Variants in TBX15 observed in about 807,000 individuals in gnomAD.
TBX15 encodes the protein T-box transcription factor TBX15.
A neutral mutation model predicts 53.9 loss-of-function variants in TBX15; 18 were observed. That is an observed-to-expected ratio of 0.33 (90% CI 0.23 to 0.49). The LOEUF is 0.49. Ranked by LOEUF, TBX15 falls within the 20% of genes least tolerant of loss-of-function variation. TBX15 has a pLI of 0.98. For missense variants in TBX15, 692 were observed against 749.5 expected, an observed-to-expected ratio of 0.92 and a Z score of 0.90; for synonymous variants, 295 against 278.0, an observed-to-expected ratio of 1.06 and a Z score of -0.61.
chr1:118,884,763 G>A lies in TBX15; in HGVS notation c.1778C>T (p.Ser593Phe), dbSNP rs940938093. The change falls in exon 8 of 8, where the codon TCC (serine) becomes TTC (phenylalanine). Residue 593 changes from serine to phenylalanine, a missense_variant. Transcript: ENST00000369429. ...DGRQYGAVPG[S>F]SSQMSVHMV ...CATGTGCACGGACATCTGGGAGGAG[G>A]AGCCTGGAACTGCCCCATACTGCCG... The A allele has an allele frequency of 3.5e-5, 57 of 1,613,988 alleles. No homozygotes were observed. Among genetic ancestry groups the A allele is most frequent in the Non-Finnish European group, 4.7e-5 (55 of 1,180,026 alleles).
chr1:118,985,586 G>T (rs1462997077), intron 1 of TBX15, among the ~76,000 whole-genome samples: 1 of 152,218 alleles, frequency 6.6e-6, no homozygotes, highest in African/African-American at 2.4e-5. Context: ...AAAAGGCTAG[G>T]CCCGGCCTGT....
chr1:118,963,131 T>C (rs1360349648), intron 1 of TBX15, among the ~76,000 whole-genome samples: 2 of 152,194 alleles, frequency 1.3e-5, no homozygotes, highest in Non-Finnish European at 2.9e-5. Context: ...GTAGAGAATA[T>C]ACATCTAAGT....
Position 118,988,122 on chromosome 1 carries a change from T to A in TBX15, c.-327A>T. 1 of 385,012 alleles carries A rather than the reference T, an allele frequency of 2.6e-6. No homozygotes were observed. The highest frequency in any genetic ancestry group is 4.6e-6 in the Non-Finnish European group (1 of 215,496). The allele number at this position is 385,012 out of a possible 1,614,324, so 23.8% of individuals were successfully genotyped here. ...ACTGTGTCCACTGAACTTCATCTTG[T>A]TTTTGTTATTATTATTATTCTCTCT... On this transcript the variant is annotated 5_prime_UTR_variant, in exon 1 of 8. Transcript: ENST00000369429.
Position 118,924,814 on chromosome 1 carries a change from A to C in TBX15, c.525T>G (p.Tyr175Ter). ...CCATCCACTTGGAGCTATGATACAC[A>C]TATCTGAGATAAAGAGGAAGAGAGG... ...IVPVDNKRYRYVYHSSKWMVA... is the reference protein window; with the variant it reads ...IVPVDNKRYR Residue 175 changes from tyrosine to a stop codon, truncating the protein, a stop_gained, in exon 4 of 8, where the codon TAT becomes TAG. Coordinates refer to ENST00000369429, the MANE Select transcript of TBX15 (RefSeq NM_001330677.2). LOFTEE classifies it high-confidence loss of function. 6.2e-7 allele frequency: 1 copy of C among 1,614,014 alleles called. No homozygotes were observed. The highest frequency in any genetic ancestry group is 8.5e-7 in the Non-Finnish European group (1 of 1,179,952).
At chr1:118,890,548 C>T (rs1654103333) in intron 7 of TBX15, among the ~76,000 whole-genome samples, 2 of 152,108 alleles carry the variant, frequency 1.3e-5, no homozygotes, top group Non-Finnish European at 2.9e-5. Context: ...CATTAAATTG[C>T]TCCAATATCC....
chr1:118,981,723 T>A (rs1657660529), intron 1 of TBX15, among the ~76,000 whole-genome samples: 2 of 152,166 alleles, frequency 1.3e-5, no homozygotes, highest in Admixed American at 1.3e-4. Context: ...CTAAATCATA[T>A]TTTCCACCTC....
At chr1:118,904,679 GT>G (rs1335193345) in intron 6 of TBX15, among the ~76,000 whole-genome samples, 1 of 152,102 alleles carries the variant, frequency 6.6e-6, no homozygotes, top group Non-Finnish European at 1.5e-5. Context: ...TCCATAAAGA[GT>G]TTTCATTGAC....
rs1373684900 is a variant in TBX15, at chr1:118,884,604, A to T, written c.*128T>A. 1 of 1,081,972 alleles carries T rather than the reference A, an allele frequency of 9.2e-7. No individual in the cohort carries two copies. 67.0% of individuals were successfully genotyped at this position (1,081,972 alleles called of 1,614,324 possible). A position where few individuals can be genotyped will look rare whatever the true frequency, so the allele number is the denominator to read the frequency against. On this transcript the variant is annotated 3_prime_UTR_variant, in exon 8 of 8. Transcript: ENST00000369429. ...TGTTCTTGGGTATATGTCTTCGGCC[A>T]GAAAAAAAAAAAAAAAAAAAACACG...
intron 1 of TBX15, among the ~76,000 whole-genome samples, chr1:118,945,592 G>A (rs1177851471): frequency 3.9e-5 from 6 of 152,160 alleles, no homozygotes; most frequent in African/African-American, 9.7e-5. Context: ...AGGCATCAAC[G>A]TTTGGCCTCT....
intron 1 of TBX15, among the ~76,000 whole-genome samples, chr1:118,984,062 C>T (rs1361513179): frequency 6.6e-6 from 1 of 152,244 alleles, no homozygotes. Flanking sequence ...ATTCATGTGA[C>T]CACTTGATCT....
intron 5 of TBX15, among the ~76,000 whole-genome samples, chr1:118,919,495 G>A (rs1056377977): frequency 2.9e-4 from 44 of 152,230 alleles, no homozygotes; most frequent in African/African-American, 1.0e-3. Flanking sequence ...CAGTAAGCAA[G>A]GATGGAAGGA....
At chr1:118,979,973 G>T (rs2101051873) in intron 1 of TBX15, among the ~76,000 whole-genome samples, 1 of 152,298 alleles carries the variant, frequency 6.6e-6, no homozygotes, top group Admixed American at 6.5e-5. Flanking sequence ...TCCAAGGCCG[G>T]GCCGAGGGGC....
intron 1 of TBX15, among the ~76,000 whole-genome samples, chr1:118,961,713 C>G (rs1656881431): frequency 6.6e-6 from 1 of 152,192 alleles, no homozygotes; most frequent in Non-Finnish European, 1.5e-5. Flanking sequence ...ATGTGTCTAA[C>G]CCCATTCTTT....
At chr1:118,954,865 C>G (rs1656629095) in intron 1 of TBX15, among the ~76,000 whole-genome samples, 1 of 152,250 alleles carries the variant, frequency 6.6e-6, no homozygotes, top group South Asian at 2.1e-4. Flanking sequence ...TTTATAGGCC[C>G]TTGTTGAGCA....
At chr1:118,955,754 T>C (rs1350344149) in intron 1 of TBX15, among the ~76,000 whole-genome samples, 2 of 152,238 alleles carry the variant, frequency 1.3e-5, no homozygotes, top group South Asian at 2.1e-4. Flanking sequence ...GTTTATGGAA[T>C]GCTTGTATAT....
chr1:118,934,836 A>G (rs544988591), intron 1 of TBX15, among the ~76,000 whole-genome samples: 2 of 152,342 alleles, frequency 1.3e-5, no homozygotes, highest in East Asian at 3.9e-4. Context: ...TTGTCCATGA[A>G]GAGGATTTTC....
At chr1:118,983,069 G>A (rs1183605216) in intron 1 of TBX15, among the ~76,000 whole-genome samples, 3 of 152,212 alleles carry the variant, frequency 2.0e-5, no homozygotes, top group Non-Finnish European at 2.9e-5. Context: ...CGCCAGAGGC[G>A]GGTGAGGGGT....
rs1450446539 is a variant in TBX15 at position 118,923,295 on chromosome 1, A to G, written c.861+141T>C. On this transcript the variant is annotated intron_variant, in intron 5 of 7. Coordinates refer to ENST00000369429, the MANE Select transcript of TBX15 (RefSeq NM_001330677.2). ...CACTTTACAGCTGCTGAGAACTCTA[A>G]CACTGTATAGTACTTAACATTTAGT... 1.0e-5 allele frequency: 11 copies of G among 1,069,746 alleles called. No individual in the cohort carries two copies. The East Asian group carries it at 2.3e-4, about 23-fold the overall frequency. 66.3% of individuals were successfully genotyped at this position (1,069,746 alleles called of 1,614,324 possible). A position where few individuals can be genotyped will look rare whatever the true frequency, so the allele number is the denominator to read the frequency against.
chr1:118,930,405 T>C (rs1386944271), intron 2 of TBX15, among the ~76,000 whole-genome samples: 5 of 152,168 alleles, frequency 3.3e-5, no homozygotes, highest in Non-Finnish European at 7.4e-5. Context: ...TATTTATTTA[T>C]TTATTTGTTT....
Sources: gnomAD v4.1 joint callset for allele counts (sites outside exome capture counted in the v4.1 genomes callset) on GRCh38, gnomAD v4.1.1 for gene constraint, MANE v1.5 for transcripts, NCBI Gene and HGNC (gene_info 2026-07-23, HGNC 2026-07-21) for gene names.